PDE2A: variants seen among roughly 807,000 people sequenced by gnomAD.
The protein encoded by PDE2A is phosphodiesterase 2A, also known as cGMP-dependent 3',5'-cyclic phosphodiesterase.
In PDE2A, 53 loss-of-function variants were observed where a neutral mutation model predicts 133.6. The ratio of observed to expected loss-of-function variants is 0.40; its 90% confidence interval spans 0.32 to 0.50. The LOEUF is 0.50. Ranked by LOEUF, PDE2A falls within the 20% of genes least tolerant of loss-of-function variation. PDE2A has a pLI of 0.73. For missense variants in PDE2A, 796 were observed against 1,232.4 expected, an observed-to-expected ratio of 0.65 and a Z score of 5.30; for synonymous variants, 491 against 490.2, an observed-to-expected ratio of 1.00 and a Z score of -0.02.
chr11:72,577,612 G>T lies in PDE2A; in HGVS notation c.2616-18C>A. The T allele has an allele frequency of 6.3e-7, 1 of 1,581,050 alleles. No homozygotes were observed. The highest frequency in any genetic ancestry group is 8.6e-7 in the Non-Finnish European group (1 of 1,165,232). Reference sequence around the variant, plus strand: ...GCAACAGCCTGCGGGTGCATGGGGGGCAGAGGGCGAGAGGCCAGAAATCAG... The same window carrying T: ...GCAACAGCCTGCGGGTGCATGGGGGTCAGAGGGCGAGAGGCCAGAAATCAG... On this transcript the variant is annotated intron_variant, in intron 30 of 30. Transcript: ENST00000334456.
chr11:72,653,308 T>C (rs866721673), intron 1 of PDE2A, among the ~76,000 whole-genome samples: 6 of 151,706 alleles, frequency 4.0e-5, no homozygotes, highest in African/African-American at 4.9e-5. Context: ...GAGAAGCATA[T>C]AGAGAAAAAC....
chr11:72,624,339 C>T (rs905962781), intron 2 of PDE2A, among the ~76,000 whole-genome samples: 14 of 152,190 alleles, frequency 9.2e-5, no homozygotes, highest in South Asian at 2.1e-4. Flanking sequence ...CTGAACCCAT[C>T]GGTGCCTTCC....
At chr11:72,642,195 C>G in intron 2 of PDE2A, 59 bp downstream of exon 2, 5 of 1,387,454 alleles carry the variant, frequency 3.6e-6, no homozygotes, top group Non-Finnish European at 4.7e-6. Context: ...CGGGCAGACC[C>G]GGCCCGGCGC....
At chr11:72,615,043 C>A in intron 2 of PDE2A, 1 of 481,222 alleles carries the variant, frequency 2.1e-6, no homozygotes, top group East Asian at 6.1e-5. Flanking sequence ...GCCCACCCTT[C>A]GCAGACTCCG....
At position 72,588,810 on chromosome 11, in the gene PDE2A, GC is replaced by G; in HGVS notation, c.1043del (p.Cys348SerfsTer6). The G allele has an allele frequency of 6.2e-7, 1 of 1,606,632 alleles. No individual in the cohort carries two copies. Among genetic ancestry groups the G allele is most frequent in the Non-Finnish European group, 8.5e-7 (1 of 1,174,610 alleles). Reference protein sequence around the residue: ...RATDQVVALACAFNKLEGDLF... With the variant: ...RATDQVVALAXAFNKLEGDLF... ...AGTCTCCTTCTAGCTTGTTGAAGGC[GC>G]AGGCCAAGGCCACCACCTGGTCAGT... On this transcript the variant is annotated frameshift_variant, in exon 13 of 31. Coordinates refer to ENST00000334456, the MANE Select transcript of PDE2A (RefSeq NM_002599.5). LOFTEE classifies it high-confidence loss of function.
At chr11:72,579,900 C>G (rs1460149197) in intron 25 of PDE2A, 2 of 410,234 alleles carry the variant, frequency 4.9e-6, no homozygotes, top group Non-Finnish European at 8.8e-6. Context: ...TTGAAATGAT[C>G]CTTTGGAGTC....
At chr11:72,582,642 A>G (rs1365343855) in intron 20 of PDE2A, 76 bp from the exon 21 acceptor site, 21 of 1,439,100 alleles carry the variant, frequency 1.5e-5, no homozygotes, top group Non-Finnish European at 2.0e-5. Flanking sequence ...TTCCCATGGC[A>G]GGTGGGGGAT....
At position 72,591,228 on chromosome 11, in the gene PDE2A, C is replaced by T. The variant is rs118056981; in HGVS notation, c.549+69G>A. On this transcript the variant is annotated intron_variant, in intron 7 of 30. Transcript: ENST00000334456. ...ACCCAGGTCTGTCCAGCTCCCTGGC[C>T]AGGCCATCTTCCCACCAGCTGTGAT... 2.3e-4 allele frequency: 303 copies of T among 1,334,820 alleles called. No individual in the cohort carries two copies. The East Asian group carries it at 6.5e-3, about 29-fold the overall frequency. The allele number at this position is 1,334,820 out of a possible 1,614,324, so 82.7% of individuals were successfully genotyped here.
chr11:72,620,490 G>T (rs1383194027), intron 2 of PDE2A, among the ~76,000 whole-genome samples: 2 of 152,128 alleles, frequency 1.3e-5, no homozygotes, highest in African/African-American at 4.8e-5. Flanking sequence ...GCGAACCCAG[G>T]AAGTCCAGAC....
chr11:72,638,324 G>T (rs1858795532), intron 2 of PDE2A, among the ~76,000 whole-genome samples: 1 of 152,206 alleles, frequency 6.6e-6, no homozygotes, highest in Non-Finnish European at 1.5e-5. Flanking sequence ...GAGCTGGACT[G>T]CCAACCCTAC....
rs544864068 is a variant in PDE2A at position 72,588,685 on chromosome 11, A to G, written c.1070+99T>C. ...TTCAACCCACTGCTGCTGAGACAGT[A>G]GCCCCTGCCCAGTACCCATCCCACA... is the stretch of plus-strand genomic sequence containing the variant. On this transcript the variant is annotated intron_variant, in intron 13 of 30. Coordinates refer to ENST00000334456, the MANE Select transcript of PDE2A (RefSeq NM_002599.5). 33 of 1,173,846 alleles carry G rather than the reference A, an allele frequency of 2.8e-5. No homozygotes were observed. The Middle Eastern group carries it at 2.5e-3, about 88-fold the overall frequency. The allele number at this position is 1,173,846 out of a possible 1,614,324, so 72.7% of individuals were successfully genotyped here. A position where few individuals can be genotyped will look rare whatever the true frequency, so the allele number is the denominator to read the frequency against.
intron 1 of PDE2A, among the ~76,000 whole-genome samples, chr11:72,647,564 C>G (rs559131105): frequency 1.3e-5 from 2 of 152,254 alleles, no homozygotes; most frequent in African/African-American, 4.8e-5. Context: ...GTGACTTGCT[C>G]TCTCTGTGAC....
chr11:72,608,460 T>C (rs150576696), intron 3 of PDE2A, among the ~76,000 whole-genome samples: 1 of 152,322 alleles, frequency 6.6e-6, no homozygotes, highest in Non-Finnish European at 1.5e-5. Flanking sequence ...TGCAAGTTCA[T>C]TCCTTGATGC....
chr11:72,595,150 G>A (rs1385529299), intron 6 of PDE2A, among the ~76,000 whole-genome samples: 3 of 152,070 alleles, frequency 2.0e-5, no homozygotes, highest in African/African-American at 4.8e-5. Context: ...CCTTCCAAAT[G>A]TCTTCCCCTT....
intron 19 of PDE2A, 88 bp from the exon 20 acceptor site, chr11:72,583,603 A>T (rs1359846254): frequency 1.2e-6 from 1 of 858,672 alleles, no homozygotes; most frequent in Non-Finnish European, 2.0e-6. Context: ...GGTCAAAAAG[A>T]CACCCCACTT....
intron 1 of PDE2A, among the ~76,000 whole-genome samples, chr11:72,665,091 C>T (rs1057005281): frequency 2.0e-5 from 3 of 152,178 alleles, no homozygotes; most frequent in African/African-American, 7.2e-5. Flanking sequence ...CAGGCGCGAG[C>T]CACTATGCCT....
Position 72,631,163 on chromosome 11 carries a change from G to A in PDE2A, c.144+11091C>T, listed in dbSNP as rs1478918221. ...GGCTGCAGAGACAAGAAGGTCAGGGGCTGAGGCCGGCCAGGCCTTCTCCCC... is the reference window on the plus strand; with the variant it reads ...GGCTGCAGAGACAAGAAGGTCAGGGACTGAGGCCGGCCAGGCCTTCTCCCC... On this transcript the variant is annotated intron_variant, in intron 2 of 30. Transcript: ENST00000334456. 4 of 1,527,794 alleles carry A rather than the reference G, an allele frequency of 2.6e-6. No homozygotes were observed. The African/African-American group carries it at 4.2e-5, about 16-fold the overall frequency. The allele number at this position is 1,527,794 out of a possible 1,614,324, so 94.6% of individuals were successfully genotyped here. A position where few individuals can be genotyped will look rare whatever the true frequency, so the allele number is the denominator to read the frequency against.
Position 72,636,151 on chromosome 11 carries a change from G to T in PDE2A, c.144+6103C>A, listed in dbSNP as rs1173731988. ...AGAGTACAGGCTCTGCAGAGGAGGG[G>T]CCCTGCCGGCTACTCTCAAGGGAGC... On this transcript the variant is annotated intron_variant, in intron 2 of 30. Transcript: ENST00000334456. 9 of 1,156,656 alleles carry T rather than the reference G, an allele frequency of 7.8e-6. No individual in the cohort carries two copies. In the Admixed American group the frequency reaches 1.5e-4, roughly 19 times the overall value. 71.6% of individuals were successfully genotyped at this position (1,156,656 alleles called of 1,614,324 possible).
chr11:72,664,186 C>T (rs1187302105), intron 1 of PDE2A, among the ~76,000 whole-genome samples: 1 of 152,104 alleles, frequency 6.6e-6, no homozygotes, highest in Non-Finnish European at 1.5e-5. Flanking sequence ...CTCCTCGGCC[C>T]CCCTCTGCCA....
Sources: allele counts gnomAD v4.1 joint callset (sites outside exome capture counted in the v4.1 genomes callset), GRCh38; gene constraint gnomAD v4.1.1; transcripts MANE v1.5; gene names NCBI Gene and HGNC (gene_info 2026-07-23, HGNC 2026-07-21).